The following SHTN1 variants were observed in gnomAD, a reference collection of about 807,000 sequenced individuals.
The protein encoded by SHTN1 is shootin 1, also known as shootin-1.
A neutral mutation model predicts 83.1 loss-of-function variants in SHTN1; 42 were observed. The observed-to-expected ratio is 0.51, with a 90% CI of 0.39 to 0.65. The LOEUF is 0.65. Among genes scored for constraint, SHTN1 ranks in the 30% least tolerant of loss-of-function variants. SHTN1 has a pLI of 0.00. For synonymous variants in SHTN1, 224 were observed against 247.7 expected, an observed-to-expected ratio of 0.90 and a Z score of 0.90; for missense variants, 622 against 737.8, an observed-to-expected ratio of 0.84 and a Z score of 1.82.
In SHTN1 at chr10:116,886,250, G is replaced by C; in HGVS notation, c.*94C>G. ...ACCTGTATTCTGAATACAGTGACCA[G>C]AGCAGAATGTCTACAGCCCTTGCCA... On this transcript the variant is annotated 3_prime_UTR_variant, in exon 17 of 17. Coordinates refer to ENST00000355371, the MANE Select transcript of SHTN1 (RefSeq NM_001127211.3). 2.7e-6 allele frequency: 4 copies of C among 1,506,262 alleles called. No homozygotes were observed. Among genetic ancestry groups the C allele is most frequent in the Non-Finnish European group, 3.6e-6 (4 of 1,114,124 alleles). 93.3% of individuals were successfully genotyped at this position (1,506,262 alleles called of 1,614,324 possible).
intron 1 of SHTN1, among the ~76,000 whole-genome samples, chr10:117,118,881 C>T (rs1035027432): frequency 2.6e-5 from 4 of 152,078 alleles, no homozygotes; most frequent in African/African-American, 9.7e-5. Context: ...CACCATGACA[C>T]GCATTTACCT....
intron 1 of SHTN1, among the ~76,000 whole-genome samples, chr10:117,049,800 G>C (rs1010432963): frequency 2.6e-5 from 4 of 152,144 alleles, no homozygotes; most frequent in African/African-American, 9.7e-5. Flanking sequence ...GATGCAATAA[G>C]TATCTTAAAT....
intron 5 of SHTN1, among the ~76,000 whole-genome samples, chr10:116,952,649 G>A (rs946131430): frequency 2.6e-5 from 4 of 152,088 alleles, no homozygotes; most frequent in South Asian, 2.1e-4. Flanking sequence ...AACTGTAAGC[G>A]CAAAAGCTTC....
chr10:116,979,410 G>A (rs1850936584), intron 1 of SHTN1, 102 bp from the exon 2 acceptor site: 2 of 894,492 alleles, frequency 2.2e-6, no homozygotes, highest in East Asian at 2.4e-5. Flanking sequence ...ACTAGGTTGA[G>A]GTAGGGTGGA....
chr10:117,024,527 T>A (rs1852304589), intron 2 of SHTN1, among the ~76,000 whole-genome samples: 1 of 151,882 alleles, frequency 6.6e-6, no homozygotes, highest in Non-Finnish European at 1.5e-5. Context: ...GCTAATTTTT[T>A]ATATTTTTAG....
intron 12 of SHTN1, 55 bp downstream of exon 12, chr10:116,921,379 A>C (rs1025540340): frequency 1.7e-5 from 22 of 1,271,880 alleles, no homozygotes; most frequent in Non-Finnish European, 2.4e-5. Flanking sequence ...AAATATGTGA[A>C]TTGCCCCAAA....
At chr10:116,964,617 A>G (rs1282298494) in intron 3 of SHTN1, among the ~76,000 whole-genome samples, 2 of 152,240 alleles carry the variant, frequency 1.3e-5, no homozygotes, top group Non-Finnish European at 2.9e-5. Flanking sequence ...AAGAGCCATG[A>G]AAGTTGGCAT....
chr10:117,050,836 T>G (rs1184804440), intron 1 of SHTN1, among the ~76,000 whole-genome samples: 1 of 152,164 alleles, frequency 6.6e-6, no homozygotes. Context: ...GGAGCATCAC[T>G]TGAACCCAGG....
At chr10:117,112,213 G>A (rs1214761732) in intron 1 of SHTN1, among the ~76,000 whole-genome samples, 23 of 152,034 alleles carry the variant, frequency 1.5e-4, no homozygotes, top group South Asian at 2.1e-4. Context: ...AGATCCGCCC[G>A]CCTCGGCCTC....
intron 3 of SHTN1, among the ~76,000 whole-genome samples, chr10:116,962,164 G>A (rs1023758912): frequency 3.3e-5 from 5 of 150,366 alleles, no homozygotes; most frequent in African/African-American, 9.8e-5. Context: ...GCATACAAAC[G>A]GGTCCCCATT....
At chr10:117,010,109 A>G (rs528583270), upstream of SHTN1, among the ~76,000 whole-genome samples, 13 of 152,208 alleles carry the variant, frequency 8.5e-5, no homozygotes, top group Middle Eastern at 3.4e-3. Flanking sequence ...AAAATAAAAG[A>G]CAATAGAAAA....
chr10:116,902,896 G>A (rs929702771), intron 15 of SHTN1, among the ~76,000 whole-genome samples: 9 of 152,286 alleles, frequency 5.9e-5, no homozygotes, highest in Non-Finnish European at 1.0e-4. Flanking sequence ...GCACTAGTGG[G>A]TATAATCCAA....
At position 116,886,272 on chromosome 10, in the gene SHTN1, G is replaced by A; in HGVS notation, c.*72C>T. ...CCAGAGCAGAATGTCTACAGCCCTTGCCAATATAACAACACTAATCATGTG... is the reference window on the plus strand; with the variant it reads ...CCAGAGCAGAATGTCTACAGCCCTTACCAATATAACAACACTAATCATGTG... On this transcript the variant is annotated 3_prime_UTR_variant, in exon 17 of 17. Transcript: ENST00000355371. 6.5e-7 allele frequency: 1 copy of A among 1,544,070 alleles called. No homozygotes were observed. Among genetic ancestry groups the A allele is most frequent in the African/African-American group, 1.4e-5 (1 of 72,908 alleles).
intron 2 of SHTN1, among the ~76,000 whole-genome samples, chr10:117,038,201 C>A (rs1461984535): frequency 6.6e-6 from 1 of 151,834 alleles, no homozygotes; most frequent in Non-Finnish European, 1.5e-5. Flanking sequence ...CATGCAGTGG[C>A]ATGATCATAG....
chr10:116,975,539 T>C (rs1254791324), intron 2 of SHTN1, among the ~76,000 whole-genome samples: 3 of 152,052 alleles, frequency 2.0e-5, no homozygotes, highest in African/African-American at 4.8e-5. Flanking sequence ...CCTTCATATA[T>C]TTTTCTTTAT....
chr10:116,921,083 T>G (rs1168993981), intron 12 of SHTN1, among the ~76,000 whole-genome samples: 3 of 152,238 alleles, frequency 2.0e-5, no homozygotes, highest in African/African-American at 4.8e-5. Flanking sequence ...TAGTACATAC[T>G]AAGTGCTTGA....
upstream of SHTN1, among the ~76,000 whole-genome samples, chr10:117,006,394 G>A (rs375182311): frequency 1.3e-5 from 2 of 151,410 alleles, no homozygotes; most frequent in Non-Finnish European, 2.9e-5. Flanking sequence ...GTGAAACCCC[G>A]TCTCTACTAA....
At chr10:117,031,340 C>A (rs1589903516) in intron 2 of SHTN1, among the ~76,000 whole-genome samples, 1 of 152,116 alleles carries the variant, frequency 6.6e-6, no homozygotes. Flanking sequence ...ACCTGCCCTA[C>A]AAGAAATTCT....
intron 1 of SHTN1, among the ~76,000 whole-genome samples, chr10:116,992,007 T>G (rs563363018): frequency 1.3e-5 from 2 of 152,026 alleles, no homozygotes; most frequent in Non-Finnish European, 2.9e-5. Flanking sequence ...CCAGGCGTAG[T>G]GGCACACACC....
Sources: gnomAD v4.1 joint callset for allele counts (sites outside exome capture counted in the v4.1 genomes callset) on GRCh38, gnomAD v4.1.1 for gene constraint, MANE v1.5 for transcripts, NCBI Gene and HGNC (gene_info 2026-07-23, HGNC 2026-07-21) for gene names.